Variants in CSMD2 observed in about 807,000 individuals in gnomAD.
The protein encoded by CSMD2 is CUB and sushi domain-containing protein 2.
CSMD2 carries 130 observed loss-of-function variants against 398.5 expected under a neutral mutation model. That is an observed-to-expected ratio of 0.33 (90% confidence interval 0.28 to 0.38). The LOEUF is 0.38. Among genes scored for constraint, CSMD2 ranks in the 10% least tolerant of loss-of-function variants. The probability of loss-of-function intolerance (pLI) is 1.00; values close to 1 mark genes in which losing one functional copy is unlikely to be tolerated. For synonymous variants in CSMD2, 1,828 were observed against 1,908.5 expected, an observed-to-expected ratio of 0.96 and a Z score of 1.10; for missense variants, 3,829 against 4,764.9, an observed-to-expected ratio of 0.80 and a Z score of 5.78.
Position 33,890,699 on chromosome 1 carries a change from T to G in CSMD2, c.920+27395A>C, listed in dbSNP as rs1641949239. 2.0e-5 allele frequency among the ~76,000 whole-genome samples: 3 copies of G among 151,700 alleles called. No individual in the cohort carries two copies. The South Asian group carries it at 6.3e-4, about 32-fold the overall frequency. On this transcript the variant is annotated intron_variant, in intron 5 of 70. Coordinates refer to ENST00000373381, the MANE Select transcript of CSMD2 (RefSeq NM_001281956.2). ...CATGGTACTGGTACCAAAACAGAGA[T>G]ATAGATCAATGGAACAGAACAGAGC...
intron 4 of CSMD2, among the ~76,000 whole-genome samples, chr1:33,928,854 A>T (rs147689695): frequency 8.5e-5 from 13 of 152,294 alleles, no homozygotes; most frequent in African/African-American, 2.9e-4. Flanking sequence ...AATTTGATCA[A>T]CACAATGGTG....
chr1:34,116,260 A>G (rs1661589169), intron 1 of CSMD2, among the ~76,000 whole-genome samples: 2 of 152,082 alleles, frequency 1.3e-5, no homozygotes, highest in South Asian at 4.1e-4. Flanking sequence ...GAACGGACAA[A>G]GATATTCCAT....
At chr1:33,945,982 T>G (rs775792483) in intron 3 of CSMD2, among the ~76,000 whole-genome samples, 27 of 152,198 alleles carry the variant, frequency 1.8e-4, no homozygotes, top group Non-Finnish European at 1.9e-4. Flanking sequence ...CATAGTGGGG[T>G]AGAAAATTAT....
chr1:34,055,512 C>T (rs374198605), intron 2 of CSMD2, among the ~76,000 whole-genome samples: 4 of 152,184 alleles, frequency 2.6e-5, no homozygotes, highest in East Asian at 3.8e-4. Context: ...CCAGGACCCC[C>T]TCCCCCAGAT....
intron 28 of CSMD2, among the ~76,000 whole-genome samples, chr1:33,647,542 A>G (rs72890882): frequency 0.022 from 3,332 of 152,334 alleles, 123 homozygotes; most frequent in African/African-American, 0.077. Context: ...TTATGCATGG[A>G]GTTCAAAAGT....
intron 2 of CSMD2, among the ~76,000 whole-genome samples, chr1:34,036,946 T>C (rs1570898366): frequency 6.6e-6 from 1 of 152,218 alleles, no homozygotes; most frequent in East Asian, 1.9e-4. Flanking sequence ...CCCTTGCCTG[T>C]TCTAGAGGCT....
intron 3 of CSMD2, among the ~76,000 whole-genome samples, chr1:33,952,626 C>A (rs998727460): frequency 1.3e-5 from 2 of 152,048 alleles, no homozygotes; most frequent in Admixed American, 1.3e-4. Context: ...ACCTTCAGAG[C>A]ATTTACAGTC....
chr1:33,962,605 C>T (rs1645403353), intron 3 of CSMD2, among the ~76,000 whole-genome samples: 1 of 152,100 alleles, frequency 6.6e-6, no homozygotes, highest in Non-Finnish European at 1.5e-5. Flanking sequence ...CTTCCAATGG[C>T]CTGCAGGGCC....
At chr1:33,628,668 C>CAAAAA (rs35461345) in intron 32 of CSMD2, among the ~76,000 whole-genome samples, 1 of 83,984 alleles carries the variant, frequency 1.2e-5, no homozygotes. Flanking sequence ...GACTCTGTCT[C>CAAAAA]AAAAAAAAAA....
chr1:33,893,762 AGT>A (rs371075445), intron 5 of CSMD2, among the ~76,000 whole-genome samples: 5 of 152,168 alleles, frequency 3.3e-5, no homozygotes, highest in Non-Finnish European at 7.4e-5. Context: ...GGTTTGTATG[AGT>A]GTGTGTGTGA....
chr1:34,122,373 G>A (rs1246522754), intron 1 of CSMD2, among the ~76,000 whole-genome samples: 4 of 152,170 alleles, frequency 2.6e-5, no homozygotes, highest in African/African-American at 4.8e-5. Flanking sequence ...ACCGAGGTCC[G>A]GGATCTGCAG....
intron 5 of CSMD2, among the ~76,000 whole-genome samples, chr1:33,902,212 A>T (rs1010111551): frequency 1.3e-4 from 19 of 151,930 alleles, no homozygotes; most frequent in African/African-American, 4.1e-4. Context: ...AACACAGGGT[A>T]TTTTTTTTAA....
At chr1:33,985,392 GC>G (rs1321644902) in intron 3 of CSMD2, among the ~76,000 whole-genome samples, 1 of 152,234 alleles carries the variant, frequency 6.6e-6, no homozygotes, top group Non-Finnish European at 1.5e-5. Context: ...AGGAGGGACT[GC>G]GGTGGGCCAG....
intron 2 of CSMD2, among the ~76,000 whole-genome samples, chr1:34,036,861 T>C (rs767084411): frequency 2.6e-5 from 4 of 152,218 alleles, no homozygotes; most frequent in African/African-American, 4.8e-5. Context: ...TCCTATTTTA[T>C]TTACTGTTCC....
rs562021690 is a variant in CSMD2 at position 33,689,583 on chromosome 1, C to T, written c.4052+3347G>A. On this transcript the variant is annotated intron_variant, in intron 25 of 70. Transcript: ENST00000373381. Reference sequence around the variant, plus strand: ...CAGTGAAAATGGTCCTCACTACTGCCCAGAAATCCATTCATCAGTTTATTG... The same window carrying T: ...CAGTGAAAATGGTCCTCACTACTGCTCAGAAATCCATTCATCAGTTTATTG... 2.0e-5 allele frequency among the ~76,000 whole-genome samples: 3 copies of T among 152,272 alleles called. No homozygotes were observed. The South Asian group carries it at 6.2e-4, about 32-fold the overall frequency.
chr1:34,158,031 A>C (rs1463133328), intron 1 of CSMD2, among the ~76,000 whole-genome samples: 1 of 152,200 alleles, frequency 6.6e-6, no homozygotes, highest in Admixed American at 6.5e-5. Flanking sequence ...GAAGATAAAG[A>C]ATCTCATTTT....
chr1:33,605,571 G>C (rs1324279803), intron 41 of CSMD2, 101 bp from the exon 42 acceptor site: 1 of 1,205,560 alleles, frequency 8.3e-7, no homozygotes, highest in Non-Finnish European at 1.2e-6. Flanking sequence ...GACTCAGATG[G>C]ACCTTTGTCA....
intron 3 of CSMD2, among the ~76,000 whole-genome samples, chr1:34,012,182 A>G (rs1433686811): frequency 6.6e-6 from 1 of 152,048 alleles, no homozygotes; most frequent in Non-Finnish European, 1.5e-5. Flanking sequence ...CGAGCCACCC[A>G]GGACTCCTTG....
In CSMD2 at chr1:33,580,720, G is replaced by A. The variant is rs778786131; in HGVS notation, c.7387+33C>T. 25 of 1,612,838 alleles carry A rather than the reference G, an allele frequency of 1.6e-5. No homozygotes were observed. In the South Asian group the frequency reaches 2.4e-4, roughly 16 times the overall value. On this transcript the variant is annotated intron_variant, in intron 48 of 70. Coordinates refer to ENST00000373381, the MANE Select transcript of CSMD2 (RefSeq NM_001281956.2). ...GAGCTTGAGGCTTCGATGAGGAGAG[G>A]GCCTGTGGCTTATTTGTGTTTTTTT...
Sources: allele counts gnomAD v4.1 joint callset (sites outside exome capture counted in the v4.1 genomes callset), GRCh38; gene constraint gnomAD v4.1.1; transcripts MANE v1.5; gene names NCBI Gene and HGNC (gene_info 2026-07-23, HGNC 2026-07-21).